The following GRIK1 variants were observed in gnomAD, a reference collection of about 807,000 sequenced individuals.
GRIK1 encodes the protein glutamate ionotropic receptor kainate type subunit 1.
GRIK1 carries 69 observed loss-of-function variants against 105.7 expected under a neutral mutation model. The ratio of observed to expected loss-of-function variants is 0.65; its 90% CI spans 0.54 to 0.80. GRIK1 has a LOEUF of 0.80. Ranked by LOEUF, GRIK1 falls within the 30% of genes least tolerant of loss-of-function variation. The pLI is 0.00. For synonymous variants in GRIK1, 438 were observed against 431.3 expected, an observed-to-expected ratio of 1.02 and a Z score of -0.19; for missense variants, 1,109 against 1,167.3, an observed-to-expected ratio of 0.95 and a Z score of 0.73.
intron 1 of GRIK1, among the ~76,000 whole-genome samples, chr21:29,909,231 C>T (rs535163721): frequency 6.6e-6 from 1 of 151,930 alleles, no homozygotes; most frequent in African/African-American, 2.4e-5. Flanking sequence ...TCTTTAAGGG[C>T]CCTAAAGATA....
chr21:29,637,350 C>G (rs115123746), intron 7 of GRIK1, among the ~76,000 whole-genome samples: 3,097 of 152,332 alleles, frequency 0.02, 92 homozygotes, highest in African/African-American at 0.071. Context: ...GGAACCTAAT[C>G]TGGACACAGC....
At chr21:29,586,410 TCAA>T (rs1451205616) in intron 12 of GRIK1, among the ~76,000 whole-genome samples, 1 of 152,138 alleles carries the variant, frequency 6.6e-6, no homozygotes. Context: ...CTGGCATTAA[TCAA>T]AACCAGACAG....
At chr21:29,562,203 A>G (rs363491) in intron 14 of GRIK1, among the ~76,000 whole-genome samples, 2 of 152,312 alleles carry the variant, frequency 1.3e-5, no homozygotes, top group African/African-American at 4.8e-5. Context: ...TTCCAGGTGT[A>G]TAAGTTTCAA....
intron 1 of GRIK1, among the ~76,000 whole-genome samples, chr21:29,785,025 C>T (rs933193693): frequency 6.6e-6 from 1 of 152,108 alleles, no homozygotes; most frequent in African/African-American, 2.4e-5. Flanking sequence ...GAAGTTGCAG[C>T]AAAACAAAAC....
chr21:29,646,631 T>C (rs2062625679), intron 6 of GRIK1, among the ~76,000 whole-genome samples: 1 of 152,118 alleles, frequency 6.6e-6, no homozygotes, highest in Non-Finnish European at 1.5e-5. Context: ...CATACTTAGC[T>C]GCCTGGATGG....
intron 12 of GRIK1, among the ~76,000 whole-genome samples, chr21:29,584,013 A>T (rs16984414): frequency 0.015 from 2,228 of 152,282 alleles, 59 homozygotes; most frequent in African/African-American, 0.047. Context: ...GGGAAGAAAC[A>T]TGCTTAAAAC....
chr21:29,809,208 T>C (rs2066943035), intron 1 of GRIK1, among the ~76,000 whole-genome samples: 1 of 152,172 alleles, frequency 6.6e-6, no homozygotes. Context: ...TCAGACATAA[T>C]TACTTAAGAC....
chr21:29,560,330 TC>T (rs2090375520), intron 15 of GRIK1, among the ~76,000 whole-genome samples: 1 of 121,706 alleles, frequency 8.2e-6, no homozygotes, highest in African/African-American at 3.5e-5. Context: ...TTTCTTTCTT[TC>T]TTTCTTTCTT....
At chr21:29,675,296 A>G in intron 3 of GRIK1, among the ~76,000 whole-genome samples, 1 of 152,156 alleles carries the variant, frequency 6.6e-6, no homozygotes, top group East Asian at 1.9e-4. Context: ...GAGATGGGGA[A>G]AAAATAGAGA....
chr21:29,882,816 A>T (rs2069471285), intron 1 of GRIK1, among the ~76,000 whole-genome samples: 1 of 152,096 alleles, frequency 6.6e-6, no homozygotes, highest in Admixed American at 6.6e-5. Flanking sequence ...TTTAAGTCTT[A>T]ACTGAACATT....
intron 7 of GRIK1, chr21:29,630,520 G>T (rs996561632): frequency 6.4e-6 from 3 of 471,542 alleles, no homozygotes; most frequent in African/African-American, 4.0e-5. Flanking sequence ...ACAGAGATTT[G>T]CTCTCTTCTG....
At chr21:29,892,271 G>C (rs2069929950) in intron 1 of GRIK1, among the ~76,000 whole-genome samples, 2 of 152,220 alleles carry the variant, frequency 1.3e-5, no homozygotes, top group Non-Finnish European at 2.9e-5. Context: ...ACTTTGAGTA[G>C]TTTTGTAAGC....
intron 1 of GRIK1, among the ~76,000 whole-genome samples, chr21:29,928,057 G>T (rs1339459114): frequency 6.6e-6 from 1 of 152,110 alleles, no homozygotes; most frequent in Non-Finnish European, 1.5e-5. Flanking sequence ...GGAAGACGAT[G>T]AATTGTCTTG....
At chr21:29,653,211 GAC>G (rs2062778559) in intron 5 of GRIK1, among the ~76,000 whole-genome samples, 1 of 152,158 alleles carries the variant, frequency 6.6e-6, no homozygotes, top group South Asian at 2.1e-4. Flanking sequence ...TGAATAGAAA[GAC>G]AGTTAAGTCC....
intron 7 of GRIK1, among the ~76,000 whole-genome samples, chr21:29,629,194 ATGTG>A (rs71191120): frequency 0.059 from 7,799 of 132,552 alleles, 385 homozygotes; most frequent in African/African-American, 0.15. Context: ...GAAAGGAGAA[ATGTG>A]TGTGTGTGTG....
intron 13 of GRIK1, among the ~76,000 whole-genome samples, chr21:29,579,533 C>A (rs1281428717): frequency 6.6e-6 from 1 of 152,130 alleles, no homozygotes; most frequent in Non-Finnish European, 1.5e-5. Context: ...GTCTGATCAT[C>A]ACATTTAAAA....
intron 1 of GRIK1, among the ~76,000 whole-genome samples, chr21:29,770,882 T>G (rs1189932696): frequency 1.3e-5 from 2 of 152,224 alleles, no homozygotes; most frequent in African/African-American, 4.8e-5. Context: ...TAGTGTCACC[T>G]TATTTCAGTA....
intron 1 of GRIK1, among the ~76,000 whole-genome samples, chr21:29,835,939 C>T (rs887823979): frequency 2.6e-5 from 4 of 152,172 alleles, no homozygotes; most frequent in African/African-American, 9.6e-5. Flanking sequence ...TTTTCCCCAA[C>T]CACGCAAATA....
At chr21:29,782,395 G>C (rs2066148602) in intron 1 of GRIK1, among the ~76,000 whole-genome samples, 1 of 152,208 alleles carries the variant, frequency 6.6e-6, no homozygotes, top group Admixed American at 6.5e-5. Context: ...CCCTTTCTTT[G>C]GGACATATGT....
Sources: allele counts gnomAD v4.1 joint callset (sites outside exome capture counted in the v4.1 genomes callset), GRCh38; gene constraint gnomAD v4.1.1; transcripts MANE v1.5; gene names NCBI Gene and HGNC (gene_info 2026-07-23, HGNC 2026-07-21).